Variants in C15orf39 observed in about 807,000 individuals in gnomAD.
The protein encoded by C15orf39 is PRMT2 interacting protein.
In C15orf39, 24 loss-of-function variants were observed where a neutral mutation model predicts 53.9. That is an observed-to-expected ratio of 0.45 (90% CI 0.32 to 0.63). The LOEUF (loss-of-function observed/expected upper bound fraction) is 0.63, where lower values mean the gene tolerates loss of function less well. Ranked by LOEUF, C15orf39 falls within the 20% of genes least tolerant of loss-of-function variation. C15orf39 has a pLI of 0.04. For missense variants in C15orf39, 1,271 were observed against 1,347.9 expected (o/e 0.94, Z 0.89); for synonymous variants, 569 against 576.5 (o/e 0.99, Z 0.19).
At position 75,210,946 on chromosome 15, in the gene C15orf39, G is replaced by A; in HGVS notation, c.2974G>A (p.Ala992Thr). Residue 992 changes from alanine to threonine, a missense_variant, in exon 3 of 3, where the codon GCT becomes ACT. Around this residue, in one of 2 missense-constraint regions of C15orf39, gnomAD observed 277 missense variants for 354.1 expected, o/e 0.78. Coordinates refer to ENST00000394987, the MANE Select transcript of C15orf39 (RefSeq NM_015492.5). ...GTCCTGTGGTGCCTCCCCTACCCCTGCTACCAGTGCCAGCCCACCTGGCCC... is the reference window on the plus strand; with the variant it reads ...GTCCTGTGGTGCCTCCCCTACCCCTACTACCAGTGCCAGCCCACCTGGCCC... Reference protein sequence around the residue: ...EESCGASPTPATSASPPGPTL... With the variant: ...EESCGASPTPTTSASPPGPTL... 2.5e-6 allele frequency: 4 copies of A among 1,613,396 alleles called. No homozygotes were observed. Among genetic ancestry groups the A allele is most frequent in the Non-Finnish European group, 3.4e-6 (4 of 1,179,990 alleles).
intron 2 of C15orf39, among the ~76,000 whole-genome samples, 171 bp from the exon 3 acceptor site, chr15:75,210,577 GA>G (rs1224263181): frequency 2.0e-5 from 3 of 152,316 alleles, no homozygotes; most frequent in African/African-American, 7.2e-5. Flanking sequence ...CACCTGGGGA[GA>G]AGCACATCTT....
intron 1 of C15orf39, 49 bp from the exon 2 acceptor site, chr15:75,205,950 C>T (rs958806766): frequency 3.2e-5 from 40 of 1,269,086 alleles, no homozygotes; most frequent in Non-Finnish European, 4.0e-5. Flanking sequence ...TGTTGCTTTG[C>T]CTGTAGCCTG....
In C15orf39 at chr15:75,206,830, G is replaced by C; in HGVS notation, c.782G>C (p.Cys261Ser). The part of the protein sequence containing the change: ...TQLAQPLGPP[C>S]QDTGPTHYPP... ...CTGGCCCAGCCCCTGGGGCCACCCT[G>C]TCAGGACACCGGGCCCACCCACTAC... The change falls in exon 2 of 3, where the codon TGT (cysteine) becomes TCT (serine). Residue 261 changes from cysteine to serine, a missense_variant. Physicochemically the swap from Cys to Ser is moderately radical, Grantham distance 112. Transcript: ENST00000394987. 1 of 1,601,206 alleles carries C rather than the reference G, an allele frequency of 6.2e-7. No individual in the cohort carries two copies. The highest frequency in any genetic ancestry group is 1.7e-4 in the Middle Eastern group (1 of 5,954).
At chr15:75,199,975 G>A (rs1217509908), upstream of C15orf39, among the ~76,000 whole-genome samples, 5 of 152,136 alleles carry the variant, frequency 3.3e-5, no homozygotes, top group Non-Finnish European at 7.3e-5. Flanking sequence ...ACGACCATTG[G>A]TATAGGGAGG....
Position 75,211,246 on chromosome 15 carries a change from C to T in C15orf39, c.*130C>T, listed in dbSNP as rs1595957378. The stretch of plus-strand genomic sequence containing the variant: ...CCCTGGAGGGGTTCCATCTCTGACC[C>T]TGTGGCCCATTCAGGGTGGGCTGAA... On this transcript the variant is annotated 3_prime_UTR_variant, in exon 3 of 3. Coordinates refer to ENST00000394987, the MANE Select transcript of C15orf39 (RefSeq NM_015492.5). 7.6e-7 allele frequency: 1 copy of T among 1,308,496 alleles called. No homozygotes were observed. The highest frequency in any genetic ancestry group is 1.0e-6 in the Non-Finnish European group (1 of 975,080). 81.1% of individuals were successfully genotyped at this position (1,308,496 alleles called of 1,614,324 possible). A position where few individuals can be genotyped will look rare whatever the true frequency, so the allele number is the denominator to read the frequency against.
At position 75,208,777 on chromosome 15, in the gene C15orf39, C is replaced by T. The variant is rs1242097893; in HGVS notation, c.2729C>T (p.Pro910Leu). The T allele has an allele frequency of 3.1e-6, 5 of 1,607,688 alleles. No homozygotes were observed. The highest frequency in any genetic ancestry group is 3.3e-5 in the Admixed American group (2 of 59,966). The change falls in exon 2 of 3, where the codon CCC (proline) becomes CTC (leucine). Residue 910 changes from proline (P) to leucine (L), a missense_variant. Pro to Leu is a moderately conservative substitution (Grantham distance 98). Transcript: ENST00000394987. Reference protein sequence around the residue: ...LALRQLPDIYPDLLGLQWRDC... With the variant: ...LALRQLPDIYLDLLGLQWRDC... ...CTGCGCCAGCTGCCGGACATTTACC[C>T]CGACCTTCTCGGCCTGCAGTGGCGC...
Position 75,206,170 on chromosome 15 carries a change from G to A in C15orf39, c.122G>A (p.Cys41Tyr), listed in dbSNP as rs150862421. Reference sequence around the variant, plus strand: ...CACTCTGTTGGTAACCAGGATCCCTGCACCTACAAGGGGTCCTACTTCTCC... The same window carrying A: ...CACTCTGTTGGTAACCAGGATCCCTACACCTACAAGGGGTCCTACTTCTCC... ...LPHSVGNQDP[C>Y]TYKGSYFSCP... The change falls in exon 2 of 3, where the codon TGC (cysteine) becomes TAC (tyrosine). Residue 41 changes from cysteine to tyrosine, a missense_variant. By Grantham distance (194) the Cys-to-Tyr change is radical. This residue lies in a region of C15orf39 where 994 missense variants were observed against 993.7 expected (regional missense o/e 1.00). Transcript: ENST00000394987. The A allele has an allele frequency of 4.3e-6, 7 of 1,613,926 alleles. No homozygotes were observed. In the African/African-American group the frequency reaches 9.3e-5, roughly 22 times the overall value.
rs536196636 is a variant in C15orf39, at chr15:75,208,263, C to T, written c.2215C>T (p.Arg739Trp). ...PARAQAPASA[R>W]DPAPAPAPVA... The stretch of plus-strand genomic sequence containing the variant: ...TCGAGCTCAGGCTCCAGCTTCAGCC[C>T]GGGATCCAGCTCCAGCTCCAGCTCC... The change falls in exon 2 of 3, where the codon CGG (arginine) becomes TGG (tryptophan). Residue 739 changes from arginine (R) to tryptophan (W), a missense_variant. Arg to Trp is a moderately radical substitution (Grantham distance 101). Transcript: ENST00000394987. The T allele has an allele frequency of 2.3e-5, 36 of 1,594,182 alleles. No homozygotes were observed. The highest frequency in any genetic ancestry group is 3.3e-4 in the Middle Eastern group (2 of 6,056).
chr15:75,204,572 A>G (rs1443717487), intron 1 of C15orf39, among the ~76,000 whole-genome samples: 1 of 152,198 alleles, frequency 6.6e-6, no homozygotes, highest in South Asian at 2.1e-4. Flanking sequence ...CAGTAGCACA[A>G]TCTTGGCTCA....
In C15orf39 at chr15:75,207,186, T is replaced by A. The variant is rs2070446622; in HGVS notation, c.1138T>A (p.Tyr380Asn). 6.2e-7 allele frequency: 1 copy of A among 1,613,680 alleles called. No homozygotes were observed. The highest frequency in any genetic ancestry group is 8.5e-7 in the Non-Finnish European group (1 of 1,180,000). Reference protein sequence around the residue: ...DFAPQTLSFPYARDDLSLYGA... With the variant: ...DFAPQTLSFPNARDDLSLYGA... Reference sequence around the variant, plus strand: ...TGCCCCCCAGACACTGAGTTTTCCTTATGCCCGGGATGACCTCTCTCTCTA... The same window carrying A: ...TGCCCCCCAGACACTGAGTTTTCCTAATGCCCGGGATGACCTCTCTCTCTA... Residue 380 changes from tyrosine to asparagine, a missense_variant, in exon 2 of 3, where the codon TAT becomes AAT. This residue lies in a region of C15orf39 where 994 missense variants were observed against 993.7 expected (regional missense o/e 1.00). Transcript: ENST00000394987.
chr15:75,210,646 T>G, intron 2 of C15orf39, 103 bp from the exon 3 acceptor site: 1 of 1,471,582 alleles, frequency 6.8e-7, no homozygotes, highest in Non-Finnish European at 9.0e-7. Context: ...GATGCCAGCC[T>G]GACTTGGGGC....
chr15:75,207,017 C>G lies in C15orf39; in HGVS notation c.969C>G (p.Pro323=), dbSNP rs1262733734. 1 of 1,605,118 alleles carries G rather than the reference C, an allele frequency of 6.2e-7. No homozygotes were observed. The highest frequency in any genetic ancestry group is 8.5e-7 in the Non-Finnish European group (1 of 1,175,884). ...TGYQAGGLGS[P]YLRQQAAQAP... is the part of the protein sequence containing the mutation. The stretch of plus-strand genomic sequence containing the variant: ...ACCAGGCTGGTGGGCTGGGCAGCCC[C>G]TACCTGAGGCAGCAGGCAGCCCAGG... The change falls in exon 2 of 3, where the codon CCC becomes CCG. Residue 323 remains proline (P), a synonymous_variant. Coordinates refer to ENST00000394987, the MANE Select transcript of C15orf39 (RefSeq NM_015492.5).
At chr15:75,203,188 C>G (rs1225588270) in intron 1 of C15orf39, among the ~76,000 whole-genome samples, 1 of 152,248 alleles carries the variant, frequency 6.6e-6, no homozygotes, top group Non-Finnish European at 1.5e-5. Flanking sequence ...TCGGCCATCC[C>G]GAGGCCCCTA....
Position 75,206,392 on chromosome 15 carries a change from T to G in C15orf39, c.344T>G (p.Phe115Cys), listed in dbSNP as rs1193889272. 1 of 1,613,970 alleles carries G rather than the reference T, an allele frequency of 6.2e-7. No individual in the cohort carries two copies. The highest frequency in any genetic ancestry group is 1.1e-5 in the South Asian group (1 of 91,060). Residue 115 changes from phenylalanine to cysteine, a missense_variant, in exon 2 of 3, where the codon TTC becomes TGC. By Grantham distance (205) the Phe-to-Cys change is radical. Coordinates refer to ENST00000394987, the MANE Select transcript of C15orf39 (RefSeq NM_015492.5). ...QDSSPVELLP[F>C]SPQAHSYPGP... ...TCCAGCCCTGTTGAGCTCCTGCCCT[T>G]CAGTCCCCAGGCTCACTCCTACCCA...
At chr15:75,205,943 T>A in intron 1 of C15orf39, 56 bp from the exon 2 acceptor site, 1 of 1,202,584 alleles carries the variant, frequency 8.3e-7, no homozygotes, top group Non-Finnish European at 1.1e-6. Flanking sequence ...AGCCCTCTGT[T>A]GCTTTGCCTG....
Position 75,208,800 on chromosome 15 carries a change from C to T in C15orf39, c.2752C>T (p.Arg918Cys), listed in dbSNP as rs1317526889. The change falls in exon 2 of 3, where the codon CGC becomes TGC. Residue 918 changes from arginine (R) to cysteine (C), a missense_variant. This residue lies in a region of C15orf39 where 277 missense variants were observed against 354.1 expected (regional missense o/e 0.78). Coordinates refer to ENST00000394987, the MANE Select transcript of C15orf39 (RefSeq NM_015492.5). The stretch of plus-strand genomic sequence containing the variant: ...CCCCGACCTTCTCGGCCTGCAGTGG[C>T]GCGACTGTGTACGCCGCCAGCTGGG... ...IYPDLLGLQW[R>C]DCVRRQLGDF... The T allele has an allele frequency of 6.9e-6, 11 of 1,604,606 alleles. No individual in the cohort carries two copies. Among genetic ancestry groups the T allele is most frequent in the Non-Finnish European group, 8.5e-6 (10 of 1,178,104 alleles).
upstream of C15orf39, among the ~76,000 whole-genome samples, chr15:75,201,690 G>C (rs1241771466): frequency 6.6e-6 from 1 of 152,216 alleles, no homozygotes; most frequent in East Asian, 1.9e-4. The surrounding 1 kb of genome is among the most constrained non-coding windows in gnomAD (Gnocchi z 4.7). Flanking sequence ...CCGGGCACTG[G>C]TTCGTGGAGC....
At chr15:75,201,243 C>CAGGCTG (rs2070399271), upstream of C15orf39, among the ~76,000 whole-genome samples, 1 of 152,184 alleles carries the variant, frequency 6.6e-6, no homozygotes, top group Non-Finnish European at 1.5e-5. This position sits in a 1 kb window ranked among gnomAD's most constrained non-coding sequence, Gnocchi z 4.7. Flanking sequence ...ACCCGCCTCA[C>CAGGCTG]AGGCTGCGCG....
Position 75,207,197 on chromosome 15 carries a change from T to G in C15orf39, c.1149T>G (p.Asp383Glu), listed in dbSNP as rs1215724906. Residue 383 changes from aspartate to glutamate, a missense_variant, in exon 2 of 3, where the codon GAT becomes GAG. Transcript: ENST00000394987. ...CACTGAGTTTTCCTTATGCCCGGGA[T>G]GACCTCTCTCTCTATGGAGCATCCC... ...PQTLSFPYAR[D>E]DLSLYGASPG... is the part of the protein sequence containing the mutation. The G allele has an allele frequency of 6.2e-7, 1 of 1,613,664 alleles. No individual in the cohort carries two copies. Among genetic ancestry groups the G allele is most frequent in the East Asian group, 2.2e-5 (1 of 44,862 alleles).
Sources: allele counts gnomAD v4.1 joint callset (sites outside exome capture counted in the v4.1 genomes callset), GRCh38; gene constraint gnomAD v4.1.1; regional missense constraint gnomAD v4.1.1; non-coding constraint Gnocchi (gnomAD v3.1); transcripts MANE v1.5; gene names NCBI Gene and HGNC (gene_info 2026-07-23, HGNC 2026-07-21).